NUSAP1: variants seen among roughly 807,000 people sequenced by gnomAD.
NUSAP1 encodes nucleolar and spindle-associated protein 1.
In NUSAP1, 32 loss-of-function variants were observed where a neutral mutation model predicts 52.8. That is an observed-to-expected ratio of 0.61 (90% CI 0.46 to 0.81). The LOEUF is 0.81. NUSAP1 is among the 40% of genes least tolerant of loss of function. NUSAP1 has a pLI of 0.00. For missense variants in NUSAP1, 499 were observed against 522.3 expected, an observed-to-expected ratio of 0.96 and a Z score of 0.43; for synonymous variants, 195 against 183.1, an observed-to-expected ratio of 1.06 and a Z score of -0.52.
At chr15:41,344,817 T>C (rs1003935963) in intron 2 of NUSAP1, among the ~76,000 whole-genome samples, 1 of 152,046 alleles carries the variant, frequency 6.6e-6, no homozygotes, top group Non-Finnish European at 1.5e-5. Flanking sequence ...TGCACACAGC[T>C]GTACTCCCAG....
intron 1 of NUSAP1, among the ~76,000 whole-genome samples, chr15:41,334,641 T>C (rs1339584882): frequency 6.6e-6 from 1 of 152,204 alleles, no homozygotes; most frequent in Non-Finnish European, 1.5e-5. Flanking sequence ...TATCTATCTT[T>C]GTCCCATTGC....
At chr15:41,356,213 G>A in intron 5 of NUSAP1, 73 bp downstream of exon 5, 2 of 850,052 alleles carry the variant, frequency 2.4e-6, no homozygotes, top group South Asian at 1.4e-5. Flanking sequence ...TGTAACAGCT[G>A]AAAGCATAGA....
chr15:41,363,465 C>T (rs2049268879), intron 6 of NUSAP1, among the ~76,000 whole-genome samples: 1 of 151,936 alleles, frequency 6.6e-6, no homozygotes, highest in African/African-American at 2.4e-5. Flanking sequence ...GCCTCAACCT[C>T]CTGGGCTCAG....
intron 2 of NUSAP1, among the ~76,000 whole-genome samples, chr15:41,346,293 TA>T (rs2048565063): frequency 6.6e-6 from 1 of 151,786 alleles, no homozygotes; most frequent in South Asian, 2.1e-4. Context: ...ATATATTTTA[TA>T]TTTTTTTATA....
chr15:41,355,036 G>A (rs2048914201), intron 4 of NUSAP1, among the ~76,000 whole-genome samples: 1 of 151,486 alleles, frequency 6.6e-6, no homozygotes, highest in African/African-American at 2.4e-5. Flanking sequence ...AAAAAATAGA[G>A]ACAGAGTCTT....
At position 41,380,718 on chromosome 15, in the gene NUSAP1, G is replaced by A. The variant is rs1474831053; in HGVS notation, c.*532G>A. On this transcript the variant is annotated 3_prime_UTR_variant, in exon 11 of 11. Transcript: ENST00000559596. ...CCTAGGTGAAATTGTTTAGGCTTAT[G>A]TACCTTCGTTCAAATATCCTCATGT... 6.6e-6 allele frequency: 1 copy of A among 152,340 alleles called. No individual in the cohort carries two copies. The highest frequency in any genetic ancestry group is 2.4e-5 in the African/African-American group (1 of 41,442). 9.4% of individuals were successfully genotyped at this position (152,340 alleles called of 1,614,324 possible). A position where few individuals can be genotyped will look rare whatever the true frequency, so the allele number is the denominator to read the frequency against.
chr15:41,336,148 T>C (rs1039950976), intron 1 of NUSAP1, among the ~76,000 whole-genome samples: 1 of 151,238 alleles, frequency 6.6e-6, no homozygotes, highest in Non-Finnish European at 1.5e-5. Context: ...TAATCCCAGC[T>C]ACTCGGGAGG....
At chr15:41,339,851 G>A (rs7183337) in intron 1 of NUSAP1, among the ~76,000 whole-genome samples, 12,905 of 148,172 alleles carry the variant, frequency 0.087, 697 homozygotes, top group East Asian at 0.17. Flanking sequence ...GTGCGATTCC[G>A]GCTCACTGCA....
intron 9 of NUSAP1, among the ~76,000 whole-genome samples, chr15:41,376,926 A>C (rs1477106374): frequency 1.3e-5 from 2 of 151,752 alleles, no homozygotes. Flanking sequence ...AAATACAAAA[A>C]TTACCCGGGC....
Position 41,356,206 on chromosome 15 carries a change from A to G in NUSAP1, c.550+66A>G, listed in dbSNP as rs571972612. ...CCACTTCGGAATGATGTTGGACTGT[A>G]ACAGCTGAAAGCATAGAGGCTGGAA... On this transcript the variant is annotated intron_variant, in intron 5 of 10. Transcript: ENST00000559596. 1.9e-4 allele frequency: 167 copies of G among 887,608 alleles called. No homozygotes were observed. The African/African-American group carries it at 2.6e-3, about 14-fold the overall frequency. The allele number at this position is 887,608 out of a possible 1,614,324, so 55.0% of individuals were successfully genotyped here.
At chr15:41,376,966 C>T (rs558216211) in intron 9 of NUSAP1, among the ~76,000 whole-genome samples, 13 of 152,006 alleles carry the variant, frequency 8.6e-5, no homozygotes, top group African/African-American at 3.1e-4. Context: ...GTCCCAGCTA[C>T]TCATGAGTCT....
chr15:41,369,606 C>T (rs2049576398), intron 7 of NUSAP1, among the ~76,000 whole-genome samples: 1 of 151,282 alleles, frequency 6.6e-6, no homozygotes, highest in South Asian at 2.1e-4. Context: ...CAAGATCATA[C>T]CATTGCACTC....
Position 41,349,131 on chromosome 15 carries a change from G to T in NUSAP1, c.196G>T (p.Glu66Ter). 1 of 1,613,820 alleles carries T rather than the reference G, an allele frequency of 6.2e-7. No homozygotes were observed. Residue 66 changes from glutamate to a stop codon, truncating the protein, a stop_gained, in exon 3 of 11, where the codon GAG becomes TAG. Transcript: ENST00000559596. LOFTEE classifies it high-confidence loss of function. ...ESQTSASSCD[E>*]TEIQISNQEE... ...TCAAACTTCTGCATCCTCTTGTGAT[G>T]AGACTGAGATACAGATCAGCAACCA...
chr15:41,375,088 C>T (rs1464474883), intron 8 of NUSAP1, among the ~76,000 whole-genome samples: 5 of 151,572 alleles, frequency 3.3e-5, no homozygotes, highest in Admixed American at 2.6e-4. Context: ...TGGCTCACTG[C>T]AACCTCTGCT....
chr15:41,333,158 T>C, intron 1 of NUSAP1, 108 bp downstream of exon 1: 1 of 773,400 alleles, frequency 1.3e-6, no homozygotes, highest in South Asian at 1.5e-5. Flanking sequence ...GAGGCAGCTC[T>C]CCCTGCCCCT....
At chr15:41,333,085 G>GCGGCGGGAATAGCGGCCT in intron 1 of NUSAP1, 35 bp downstream of exon 1, 1 of 1,543,424 alleles carries the variant, frequency 6.5e-7, no homozygotes, top group South Asian at 1.2e-5. Context: ...CTGGGCGGGC[G>GCGGCGGGAATAGCGGCCT]CGGCGGGAAT....
At chr15:41,374,568 G>A (rs1052082787) in intron 8 of NUSAP1, among the ~76,000 whole-genome samples, 3 of 151,884 alleles carry the variant, frequency 2.0e-5, no homozygotes, top group African/African-American at 7.3e-5. Context: ...TCTCACTGTC[G>A]CCAGGCTGGA....
At chr15:41,346,363 G>A (rs1221310423) in intron 2 of NUSAP1, among the ~76,000 whole-genome samples, 1 of 151,848 alleles carries the variant, frequency 6.6e-6, no homozygotes, top group Non-Finnish European at 1.5e-5. Context: ...CCAGGCTGGA[G>A]TGCAGTGGCA....
At position 41,377,800 on chromosome 15, in the gene NUSAP1, G is replaced by A. The variant is rs1379766205; in HGVS notation, c.1232+496G>A. On this transcript the variant is annotated intron_variant, in intron 10 of 10. Transcript: ENST00000559596. ...GGGGCAGATCACGAGGTCAGATCGA[G>A]ACCATCCTGGCTAACGCATTGAAAC... Among the ~76,000 whole-genome samples, 9 of 143,022 alleles carry A rather than the reference G, an allele frequency of 6.3e-5. No homozygotes were observed. The South Asian group carries it at 1.8e-3, about 28-fold the overall frequency. 93.8% of individuals were successfully genotyped at this position (143,022 alleles called of 152,430 possible).
Sources: allele counts gnomAD v4.1 joint callset (sites outside exome capture counted in the v4.1 genomes callset), GRCh38; gene constraint gnomAD v4.1.1; transcripts MANE v1.5; gene names NCBI Gene and HGNC (gene_info 2026-07-23, HGNC 2026-07-21).